Variants in SLC52A3 observed in about 807,000 individuals in gnomAD.
SLC52A3 encodes the protein solute carrier family 52, riboflavin transporter, member 3.
A neutral mutation model predicts 29.5 loss-of-function variants in SLC52A3; 20 were observed. The observed-to-expected ratio is 0.68, with a 90% CI of 0.48 to 0.99. The LOEUF (loss-of-function observed/expected upper bound fraction) is 0.99, where lower values mean the gene tolerates loss of function less well. SLC52A3 is among the 50% of genes least tolerant of loss of function. The pLI is 0.00. For missense variants in SLC52A3, 548 were observed against 612.9 expected, an observed-to-expected ratio of 0.89 and a Z score of 1.12; for synonymous variants, 301 against 271.0, an observed-to-expected ratio of 1.11 and a Z score of -1.09.
intron 3 of SLC52A3, among the ~76,000 whole-genome samples, chr20:762,028 G>A (rs778459136): frequency 6.6e-6 from 1 of 152,194 alleles, no homozygotes; most frequent in Non-Finnish European, 1.5e-5. Flanking sequence ...TAACGGCAGG[G>A]CCTGGCACCC....
intron 2 of SLC52A3, among the ~76,000 whole-genome samples, chr20:764,549 G>A (rs1035039933): frequency 3.8e-5 from 1 of 26,420 alleles, no homozygotes; most frequent in Non-Finnish European, 1.2e-4. Context: ...GAAGAACACT[G>A]CTCCACCCAT....
In SLC52A3 at chr20:761,806, C is replaced by G. The variant is rs1024213272; in HGVS notation, c.1092G>C (p.Gly364=). ...AGCAGGTCCCAAGCACGGAGAGGAC[C>G]CCCAGGAACAGCAGAGACCTAGAGG... is the stretch of plus-strand genomic sequence containing the variant. ...FLPNRSLLFL[G]VLSVLGTCFG... is the part of the protein sequence containing the mutation. Residue 364 remains glycine, a synonymous_variant, in exon 4 of 5, where the codon GGG becomes GGC. Coordinates refer to ENST00000645534, the MANE Select transcript of SLC52A3 (RefSeq NM_033409.4). The G allele has an allele frequency of 6.2e-7, 1 of 1,614,060 alleles. No homozygotes were observed. Among genetic ancestry groups the G allele is most frequent in the Non-Finnish European group, 8.5e-7 (1 of 1,180,034 alleles).
upstream of SLC52A3, among the ~76,000 whole-genome samples, chr20:770,963 G>A (rs1398633720): frequency 1.3e-5 from 2 of 152,202 alleles, no homozygotes; most frequent in South Asian, 2.1e-4. This position sits in a 1 kb window ranked among gnomAD's most constrained non-coding sequence, Gnocchi z 4.5. Flanking sequence ...ATGTGGTGGG[G>A]GTTAGATGCA....
chr20:771,880 A>G (rs781288571), upstream of SLC52A3, among the ~76,000 whole-genome samples: 55 of 152,374 alleles, frequency 3.6e-4, no homozygotes, highest in Admixed American at 1.6e-3. Flanking sequence ...AGAAATGGAC[A>G]GAAGCACAGT....
intron 1 of SLC52A3, chr20:766,059 C>T (rs1231730975): frequency 2.2e-6 from 1 of 458,908 alleles, no homozygotes; most frequent in Non-Finnish European, 4.0e-6. Context: ...GCCTCAGTTT[C>T]CCAAATAGCT....
At position 765,535 on chromosome 20, in the gene SLC52A3, G is replaced by A. The variant is rs34376836; in HGVS notation, c.240C>T (p.Gly80=). Residue 80 remains glycine, a synonymous_variant, in exon 2 of 5, where the codon GGC becomes GGT. Transcript: ENST00000645534. This position sits in a 1 kb window ranked among gnomAD's most constrained non-coding sequence, Gnocchi z 6.6. ...SEVPIIFTLL[G]VGTVTCIIFA... ...AGATGATGCAGGTGACGGTTCCCAC[G>A]CCCAGCAGGGTGAAGATGATGGGCA... The A allele has an allele frequency of 2.2e-3, 3,483 of 1,575,600 alleles. 78 individuals are homozygous for A. In the African/African-American group the frequency reaches 0.042, roughly 19 times the overall value.
chr20:764,038 G>A (rs62190484), intron 2 of SLC52A3, 35 bp from the exon 3 acceptor site: 2 of 1,530,960 alleles, frequency 1.3e-6, no homozygotes, highest in South Asian at 2.4e-5. Flanking sequence ...GGTCAGGGGA[G>A]GGGATCAGGC....
chr20:778,645 G>T (rs749277741), upstream of SLC52A3, among the ~76,000 whole-genome samples: 5 of 152,014 alleles, frequency 3.3e-5, no homozygotes, highest in Non-Finnish European at 7.4e-5. Context: ...AAAATTGCAG[G>T]ACTCTAAATT....
At chr20:772,206 C>T (rs1249800946), upstream of SLC52A3, among the ~76,000 whole-genome samples, 1 of 152,238 alleles carries the variant, frequency 6.6e-6, no homozygotes, top group East Asian at 1.9e-4. Flanking sequence ...GCTCTGAACG[C>T]CTAAATCCCT....
At chr20:770,226 G>A (rs1568730580), upstream of SLC52A3, among the ~76,000 whole-genome samples, 2 of 150,730 alleles carry the variant, frequency 1.3e-5, no homozygotes, top group Non-Finnish European at 2.9e-5. The surrounding 1 kb of genome is among the most constrained non-coding windows in gnomAD (Gnocchi z 4.5). Flanking sequence ...GCTTGATCTC[G>A]GCTCACAGCA....
In SLC52A3 at chr20:763,563, C is replaced by T. The variant is rs1986560008; in HGVS notation, c.1008G>A (p.Leu336=). The change falls in exon 3 of 5, where the codon CTG becomes CTA. Residue 336 remains leucine, a synonymous_variant. Transcript: ENST00000645534. ...TGGCCACAATGCTGAGGGTGGCAGC[C>T]AGGTGGTAGGCAACTGGCCCATAGG... ...CLSYGPVAYH[L]AATLSIVANP... 2 of 1,614,048 alleles carry T rather than the reference C, an allele frequency of 1.2e-6. No homozygotes were observed. Among genetic ancestry groups the T allele is most frequent in the Admixed American group, 1.7e-5 (1 of 60,012 alleles).
intron 1 of SLC52A3, among the ~76,000 whole-genome samples, chr20:767,615 A>C (rs1420969519): frequency 2.0e-5 from 3 of 152,144 alleles, no homozygotes; most frequent in Admixed American, 2.0e-4. Context: ...TCAGCCTCCC[A>C]AAGTGCTGGG....
At chr20:761,899 T>C in intron 3 of SLC52A3, 75 bp from the exon 4 acceptor site, 2 of 1,601,196 alleles carry the variant, frequency 1.2e-6, no homozygotes, top group Non-Finnish European at 8.5e-7. Context: ...GGGCGGCATG[T>C]GGATGGCCAG....
Position 761,031 on chromosome 20 carries a change from C to G in SLC52A3, c.1405G>C (p.Ala469Pro). The change falls in exon 5 of 5, where the codon GCC becomes CCC. Residue 469 changes from alanine (A) to proline (P), a missense_variant. Ala to Pro is a conservative substitution (Grantham distance 27). Around this residue, in one of 2 missense-constraint regions of SLC52A3, gnomAD observed 173 missense variants for 141.8 expected, o/e 1.22. Transcript: ENST00000645534. ...GGGCGGGGTCGGCGGCCTGCCTAGG[C>G]TGGACAGTGCAGATTGCAGAAGTCC... ...SADFCNLHCP[A>P] 6.2e-7 allele frequency: 1 copy of G among 1,604,504 alleles called. No homozygotes were observed. Among genetic ancestry groups the G allele is most frequent in the Non-Finnish European group, 8.5e-7 (1 of 1,176,500 alleles).
chr20:761,873 A>AC lies in SLC52A3; in HGVS notation c.1074-50dup, dbSNP rs375978382. On this transcript the variant is annotated intron_variant, in intron 3 of 4. Transcript: ENST00000645534. ...GTGGAGGTGAGAAGCCTGACCTCTG[A>AC]CCCCCCCGCCCCACTGGGCGGCATG... 4.8e-4 allele frequency: 778 copies of AC among 1,611,484 alleles called. 2 individuals carry two copies. In the African/African-American group the frequency reaches 7.9e-3, roughly 16 times the overall value.
chr20:767,040 C>G (rs113780492), intron 1 of SLC52A3, among the ~76,000 whole-genome samples: 1 of 142,432 alleles, frequency 7.0e-6, no homozygotes, highest in Non-Finnish European at 1.6e-5. Context: ...TTGGTAATAG[C>G]AAGTTATGGG....
At position 760,700 on chromosome 20, in the gene SLC52A3, C is replaced by G. The variant is rs1986427468; in HGVS notation, c.*326G>C. 1 of 385,328 alleles carries G rather than the reference C, an allele frequency of 2.6e-6. No homozygotes were observed. The highest frequency in any genetic ancestry group is 4.7e-6 in the Non-Finnish European group (1 of 211,256). 23.9% of individuals were successfully genotyped at this position (385,328 alleles called of 1,614,324 possible). ...AATGACTTTCCCAAGGTCACACAGC[C>G]TGAAGGGACAGCCGGCTGTCCCAGC... On this transcript the variant is annotated 3_prime_UTR_variant, in exon 5 of 5. Transcript: ENST00000645534. The surrounding 1 kb of genome is among the most constrained non-coding windows in gnomAD (Gnocchi z 4.9).
At chr20:773,354 T>G (rs552513852), upstream of SLC52A3, among the ~76,000 whole-genome samples, 39 of 152,324 alleles carry the variant, frequency 2.6e-4, no homozygotes, top group African/African-American at 7.5e-4. Context: ...GCTGGCATTA[T>G]GATTATCTCC....
At chr20:770,243 G>A (rs1030958912), upstream of SLC52A3, among the ~76,000 whole-genome samples, 8 of 149,210 alleles carry the variant, frequency 5.4e-5, no homozygotes, top group African/African-American at 2.0e-4. This position sits in a 1 kb window ranked among gnomAD's most constrained non-coding sequence, Gnocchi z 4.5. Context: ...AGCAACCTCC[G>A]CCTCCCGAGT....
Sources: gnomAD v4.1 joint callset for allele counts (sites outside exome capture counted in the v4.1 genomes callset) on GRCh38, gnomAD v4.1.1 for gene constraint, gnomAD v4.1.1 regional missense constraint, Gnocchi (gnomAD v3.1) non-coding constraint, MANE v1.5 for transcripts, NCBI Gene and HGNC (gene_info 2026-07-23, HGNC 2026-07-21) for gene names.